Variants in DPP10 observed in about 807,000 individuals in gnomAD.
DPP10 encodes dipeptidyl peptidase like 10, also known as inactive dipeptidyl peptidase 10.
DPP10 carries 33 observed loss-of-function variants against 120.9 expected under a neutral mutation model. That is an observed-to-expected ratio of 0.27 (90% CI 0.21 to 0.37). The LOEUF (loss-of-function observed/expected upper bound fraction) is 0.37, where lower values mean the gene tolerates loss of function less well. DPP10 is among the 10% of genes least tolerant of loss of function. The pLI, the probability that DPP10 is intolerant of heterozygous loss-of-function variation, is 1.00. For missense variants in DPP10, 816 were observed against 942.8 expected (o/e 0.87, Z 1.76); for synonymous variants, 337 against 326.1 (o/e 1.03, Z -0.36).
intron 1 of DPP10, among the ~76,000 whole-genome samples, chr2:115,165,628 C>T (rs375066505): frequency 1.2e-3 from 175 of 152,110 alleles, no homozygotes; most frequent in African/African-American, 4.1e-3. Context: ...TCTCTGATGA[C>T]GAGACTCTCA....
At chr2:114,474,654 C>T (rs1018733467) in intron 1 of DPP10, among the ~76,000 whole-genome samples, 2 of 152,120 alleles carry the variant, frequency 1.3e-5, no homozygotes, top group Non-Finnish European at 1.5e-5. Flanking sequence ...ATATACCCTG[C>T]TGTGAAGGGA....
intron 1 of DPP10, among the ~76,000 whole-genome samples, chr2:114,875,233 A>T (rs1453378698): frequency 1.3e-5 from 2 of 152,156 alleles, no homozygotes; most frequent in African/African-American, 2.4e-5. Context: ...TCAGATATGT[A>T]TTGAATCCCA....
intron 1 of DPP10, among the ~76,000 whole-genome samples, chr2:114,471,431 G>A (rs1308289499): frequency 6.6e-6 from 1 of 152,104 alleles, no homozygotes; most frequent in Non-Finnish European, 1.5e-5. Flanking sequence ...ATCAAATAGG[G>A]ATGGTAACAA....
intron 1 of DPP10, among the ~76,000 whole-genome samples, chr2:114,497,056 C>T (rs577149013): frequency 1.3e-5 from 2 of 149,876 alleles, no homozygotes; most frequent in Non-Finnish European, 3.0e-5. Context: ...CATACACATA[C>T]ATATATACAT....
chr2:115,145,466 T>G (rs1469171741), intron 1 of DPP10, among the ~76,000 whole-genome samples: 1 of 152,212 alleles, frequency 6.6e-6, no homozygotes, highest in Non-Finnish European at 1.5e-5. Context: ...TCAATGCATT[T>G]TAATAGCTTC....
chr2:114,805,121 C>T lies in DPP10; in HGVS notation c.60+362283C>T, dbSNP rs565588970. On this transcript the variant is annotated intron_variant, in intron 1 of 25. Transcript: ENST00000410059. ...TGGCTTCTTCATTATTTTCTCTTGC[C>T]GCCATGAAGTAAGAAGTGCCTTTCA... 6.5e-3 allele frequency among the ~76,000 whole-genome samples: 989 copies of T among 152,152 alleles called. 10 individuals are homozygous for T. Among genetic ancestry groups the T allele is most frequent in the African/African-American group, 0.021 (885 of 41,492 alleles).
Position 115,332,383 on chromosome 2 carries a change from A to G in DPP10, c.176-11434A>G, listed in dbSNP as rs2062804952. Among the ~76,000 whole-genome samples, 4 of 152,148 alleles carry G rather than the reference A, an allele frequency of 2.6e-5. No individual in the cohort carries two copies. In the South Asian group the frequency reaches 6.2e-4, roughly 24 times the overall value. On this transcript the variant is annotated intron_variant, in intron 2 of 25. Transcript: ENST00000410059. ...ATCTTTTCGAAAAACCAGCTCCTGG[A>G]TTCATTGACTTTTTGAAGGGTTTTT...
At position 115,114,260 on chromosome 2, in the gene DPP10, C is replaced by T. The variant is rs983637366; in HGVS notation, c.61-194979C>T. On this transcript the variant is annotated intron_variant, in intron 1 of 25. Transcript: ENST00000410059. ...CCCCAGTCCATGTGTATGCCTCAAA[C>T]TGCAATTGTTTCTTCACAAACAAAA... 2.4e-4 allele frequency among the ~76,000 whole-genome samples: 36 copies of T among 152,282 alleles called. 1 individual carries two copies. Among genetic ancestry groups the T allele is most frequent in the African/African-American group, 8.4e-4 (35 of 41,568 alleles).
chr2:115,056,559 G>C (rs1469745675), intron 1 of DPP10, among the ~76,000 whole-genome samples: 9 of 152,070 alleles, frequency 5.9e-5, no homozygotes. Context: ...TGGGTCTTCT[G>C]TGTTGTCCAG....
intron 5 of DPP10, among the ~76,000 whole-genome samples, chr2:115,652,292 A>G (rs1157401821): frequency 1.3e-5 from 2 of 151,912 alleles, no homozygotes; most frequent in African/African-American, 4.8e-5. Context: ...TTGGTAAATG[A>G]AGTGTATAGC....
intron 5 of DPP10, among the ~76,000 whole-genome samples, chr2:115,536,350 G>A (rs1398566846): frequency 1.3e-5 from 2 of 151,664 alleles, no homozygotes; most frequent in African/African-American, 2.4e-5. Context: ...TTATTTTAAT[G>A]GCTTTACCAT....
At chr2:115,102,981 T>G (rs976112167) in intron 1 of DPP10, among the ~76,000 whole-genome samples, 13 of 152,284 alleles carry the variant, frequency 8.5e-5, no homozygotes, top group Admixed American at 3.9e-4. Flanking sequence ...AATTGTAGAA[T>G]CTTCCTATAG....
chr2:114,689,132 T>C (rs1699569416), intron 1 of DPP10, among the ~76,000 whole-genome samples: 2 of 151,678 alleles, frequency 1.3e-5, no homozygotes, highest in East Asian at 2.0e-4. Context: ...GTTTGTTACA[T>C]AGGTAAACAT....
intron 1 of DPP10, among the ~76,000 whole-genome samples, chr2:114,901,973 T>C (rs1475568568): frequency 1.3e-5 from 2 of 152,182 alleles, no homozygotes; most frequent in African/African-American, 4.8e-5. Flanking sequence ...TCAAGGCATT[T>C]TGCTTGTTGA....
intron 1 of DPP10, among the ~76,000 whole-genome samples, chr2:114,683,396 C>T (rs1338291803): frequency 6.6e-6 from 1 of 151,798 alleles, no homozygotes; most frequent in Non-Finnish European, 1.5e-5. Flanking sequence ...CTCACCCAGG[C>T]CCACTTTATT....
intron 1 of DPP10, among the ~76,000 whole-genome samples, chr2:114,599,992 T>C (rs1487320705): frequency 6.6e-6 from 1 of 151,790 alleles, no homozygotes; most frequent in African/African-American, 2.4e-5. Flanking sequence ...ATGACTATTA[T>C]GTATCTAGGG....
intron 5 of DPP10, among the ~76,000 whole-genome samples, chr2:115,610,145 T>A (rs559662645): frequency 6.6e-6 from 1 of 152,196 alleles, no homozygotes; most frequent in African/African-American, 2.4e-5. Context: ...TGACTGGTAC[T>A]CAAGGATCTG....
At chr2:114,447,923 C>T (rs1419359860) in intron 1 of DPP10, among the ~76,000 whole-genome samples, 1 of 152,222 alleles carries the variant, frequency 6.6e-6, no homozygotes, top group Admixed American at 6.5e-5. Context: ...TCTGACACAG[C>T]TTCCTTATAT....
At chr2:114,723,194 A>C (rs534668778) in intron 1 of DPP10, among the ~76,000 whole-genome samples, 25 of 152,324 alleles carry the variant, frequency 1.6e-4, no homozygotes, top group Admixed American at 1.6e-3. Context: ...AGGTATGAAC[A>C]ATCAGTCTGT....
Sources: gnomAD v4.1 joint callset for allele counts (sites outside exome capture counted in the v4.1 genomes callset) on GRCh38, gnomAD v4.1.1 for gene constraint, MANE v1.5 for transcripts, NCBI Gene and HGNC (gene_info 2026-07-23, HGNC 2026-07-21) for gene names.